Variants in KCNT2 observed in about 807,000 individuals in gnomAD.
KCNT2 encodes potassium channel subfamily T member 2.
In KCNT2, 67 loss-of-function variants were observed where a neutral mutation model predicts 153.8. That is an observed-to-expected ratio of 0.44 (90% CI 0.36 to 0.53). The LOEUF is 0.53. KCNT2 is among the 20% of genes least tolerant of loss of function. The pLI, the probability that KCNT2 is intolerant of heterozygous loss-of-function variation, is 0.00. For missense variants in KCNT2, 975 were observed against 1,354.8 expected (o/e 0.72, Z 4.40); for synonymous variants, 500 against 458.8 (o/e 1.09, Z -1.15).
At chr1:196,426,419 T>G (rs191690691) in intron 10 of KCNT2, among the ~76,000 whole-genome samples, 6 of 152,172 alleles carry the variant, frequency 3.9e-5, no homozygotes, top group Non-Finnish European at 5.9e-5. Flanking sequence ...CATTTAGCTA[T>G]ATAATTATGA....
intron 8 of KCNT2, among the ~76,000 whole-genome samples, chr1:196,444,078 T>C (rs1280996487): frequency 1.3e-5 from 2 of 151,346 alleles, no homozygotes; most frequent in Non-Finnish European, 1.5e-5. Context: ...ACAGAAGAAA[T>C]GAGCTTGCAA....
chr1:196,274,477 T>G (rs952867755), intron 25 of KCNT2, among the ~76,000 whole-genome samples: 1 of 151,664 alleles, frequency 6.6e-6, no homozygotes, highest in Non-Finnish European at 1.5e-5. Context: ...GAGAGAATAA[T>G]AGCAAAGAAT....
intron 26 of KCNT2, among the ~76,000 whole-genome samples, chr1:196,253,210 T>G (rs960484225): frequency 2.0e-5 from 3 of 151,398 alleles, no homozygotes; most frequent in Non-Finnish European, 4.4e-5. Flanking sequence ...ATTGTCCCAC[T>G]GGTAACTAAC....
chr1:196,230,472 T>G (rs538308898), intron 27 of KCNT2, among the ~76,000 whole-genome samples: 1 of 152,138 alleles, frequency 6.6e-6, no homozygotes, highest in Non-Finnish European at 1.5e-5. Flanking sequence ...ATGAGATTAG[T>G]ATTGTATCAT....
chr1:196,253,349 C>G (rs761692426), intron 26 of KCNT2, among the ~76,000 whole-genome samples: 38 of 151,402 alleles, frequency 2.5e-4, no homozygotes, highest in Non-Finnish European at 4.7e-4. Context: ...CCACCCCCAT[C>G]CAGTATTTAA....
intron 22 of KCNT2, among the ~76,000 whole-genome samples, chr1:196,287,323 G>A (rs973062525): frequency 6.6e-6 from 1 of 151,950 alleles, no homozygotes; most frequent in Non-Finnish European, 1.5e-5. Flanking sequence ...CCTAGTTCTC[G>A]AGGTGTAACA....
chr1:196,405,104 G>A (rs1422308126), intron 12 of KCNT2, among the ~76,000 whole-genome samples: 1 of 150,628 alleles, frequency 6.6e-6, no homozygotes, highest in East Asian at 2.0e-4. Flanking sequence ...ATGAGAAATA[G>A]AAAAGAAAAA....
chr1:196,387,075 T>C (rs1050449784), intron 13 of KCNT2, among the ~76,000 whole-genome samples: 1 of 152,052 alleles, frequency 6.6e-6, no homozygotes, highest in Non-Finnish European at 1.5e-5. Flanking sequence ...ATGGTATTAA[T>C]TATGCTTGAT....
At chr1:196,388,411 A>G (rs1670185410) in intron 13 of KCNT2, among the ~76,000 whole-genome samples, 1 of 151,688 alleles carries the variant, frequency 6.6e-6, no homozygotes, top group Non-Finnish European at 1.5e-5. Flanking sequence ...TATTATTTAA[A>G]ATAAGATTAT....
intron 8 of KCNT2, among the ~76,000 whole-genome samples, chr1:196,462,856 T>C (rs750469099): frequency 8.6e-5 from 13 of 151,704 alleles, no homozygotes; most frequent in Admixed American, 2.0e-4. Flanking sequence ...TGTTTTTTCT[T>C]TTTTGTGTGA....
intron 15 of KCNT2, among the ~76,000 whole-genome samples, chr1:196,341,658 AT>A (rs1388147859): frequency 6.6e-6 from 1 of 151,730 alleles, no homozygotes; most frequent in Non-Finnish European, 1.5e-5. Flanking sequence ...AGTTTTATTT[AT>A]TTTTTAACTT....
chr1:196,487,050 T>C (rs1679477039), intron 3 of KCNT2, among the ~76,000 whole-genome samples: 1 of 151,878 alleles, frequency 6.6e-6, no homozygotes, highest in African/African-American at 2.4e-5. Flanking sequence ...AGAATGGACA[T>C]TAAGGGCCCT....
At chr1:196,313,842 A>G (rs1040215642) in intron 21 of KCNT2, among the ~76,000 whole-genome samples, 1 of 151,634 alleles carries the variant, frequency 6.6e-6, no homozygotes, top group Non-Finnish European at 1.5e-5. Context: ...TATTCAGTCT[A>G]GATTACTATA....
At chr1:196,581,464 T>A (rs771423747) in intron 1 of KCNT2, among the ~76,000 whole-genome samples, 12 of 152,126 alleles carry the variant, frequency 7.9e-5, no homozygotes, top group Non-Finnish European at 1.8e-4. Context: ...TTACTTGCTC[T>A]TTACTGAAAA....
At position 196,418,326 on chromosome 1, in the gene KCNT2, A is replaced by T. The variant is rs1672916617; in HGVS notation, c.1185+4724T>A. On this transcript the variant is annotated intron_variant, in intron 12 of 27. Transcript: ENST00000294725. ...CTCCATCTCTACTAAAAACACAAAA[A>T]ATAAAAATAAATAGACAACAAACAA... Among the ~76,000 whole-genome samples, 4 of 152,110 alleles carry T rather than the reference A, an allele frequency of 2.6e-5. No individual in the cohort carries two copies. In the South Asian group the frequency reaches 8.3e-4, roughly 32 times the overall value.
chr1:196,480,180 A>G (rs956351556), intron 4 of KCNT2, among the ~76,000 whole-genome samples: 1 of 152,214 alleles, frequency 6.6e-6, no homozygotes, highest in Non-Finnish European at 1.5e-5. Context: ...AGATAAATAG[A>G]ATCAAATAAG....
chr1:196,555,229 GAAT>G (rs2148907236), intron 1 of KCNT2, among the ~76,000 whole-genome samples: 1 of 151,118 alleles, frequency 6.6e-6, no homozygotes, highest in East Asian at 1.9e-4. Context: ...CTTATATTTA[GAAT>G]AATATTACAT....
At chr1:196,335,979 C>A (rs1318050274) in intron 16 of KCNT2, among the ~76,000 whole-genome samples, 2 of 151,862 alleles carry the variant, frequency 1.3e-5, no homozygotes, top group African/African-American at 4.8e-5. Context: ...TTGCATATAC[C>A]CCTGGATCCC....
intron 1 of KCNT2, among the ~76,000 whole-genome samples, chr1:196,535,640 T>A (rs1655451873): frequency 6.6e-6 from 1 of 152,184 alleles, no homozygotes; most frequent in African/African-American, 2.4e-5. Flanking sequence ...AAATGAGGTC[T>A]GAGGAGAGTT....
Sources: gnomAD v4.1 joint callset for allele counts (sites outside exome capture counted in the v4.1 genomes callset) on GRCh38, gnomAD v4.1.1 for gene constraint, MANE v1.5 for transcripts, NCBI Gene and HGNC (gene_info 2026-07-23, HGNC 2026-07-21) for gene names.